The following OSBPL11 variants were observed in gnomAD, a reference collection of about 807,000 sequenced individuals.
OSBPL11 encodes the protein oxysterol-binding protein-related protein 11.
OSBPL11 carries 33 observed loss-of-function variants against 84.4 expected under a neutral mutation model. The ratio of observed to expected loss-of-function variants is 0.39; its 90% CI spans 0.30 to 0.52. The LOEUF (loss-of-function observed/expected upper bound fraction) is 0.52, where lower values mean the gene tolerates loss of function less well. Ranked by LOEUF, OSBPL11 falls within the 20% of genes least tolerant of loss-of-function variation. OSBPL11 has a pLI of 0.72. For synonymous variants in OSBPL11, 276 were observed against 310.2 expected (o/e 0.89, Z 1.16); for missense variants, 736 against 901.1 (o/e 0.82, Z 2.35).
intron 9 of OSBPL11, among the ~76,000 whole-genome samples, chr3:125,550,403 AC>A (rs370715171): frequency 1.5e-5 from 2 of 133,510 alleles, no homozygotes; most frequent in African/African-American, 6.0e-5. Context: ...ACACACACAC[AC>A]ACAACAAACA....
intron 10 of OSBPL11, among the ~76,000 whole-genome samples, chr3:125,540,937 A>G (rs560463952): frequency 2.0e-5 from 3 of 152,320 alleles, no homozygotes; most frequent in South Asian, 2.1e-4. Flanking sequence ...GCTTATAACA[A>G]TTCTTCACAA....
intron 7 of OSBPL11, among the ~76,000 whole-genome samples, chr3:125,562,595 T>C (rs1247126533): frequency 6.6e-6 from 1 of 152,172 alleles, no homozygotes; most frequent in African/African-American, 2.4e-5. Context: ...TCAGTAATGC[T>C]ACTTGGTAAT....
chr3:125,560,715 T>C (rs1355484492), intron 7 of OSBPL11, among the ~76,000 whole-genome samples, 196 bp from the exon 8 acceptor site: 1 of 152,238 alleles, frequency 6.6e-6, no homozygotes, highest in Non-Finnish European at 1.5e-5. Context: ...ATTGCTGATG[T>C]TGAACATATT....
At position 125,594,866 on chromosome 3, in the gene OSBPL11, CTTTTT is replaced by C; in HGVS notation, c.-71_-67del. 6 of 1,223,270 alleles carry C rather than the reference CTTTTT, an allele frequency of 4.9e-6. No individual in the cohort carries two copies. Among genetic ancestry groups the C allele is most frequent in the South Asian group, 1.6e-5 (1 of 60,732 alleles). The allele number at this position is 1,223,270 out of a possible 1,614,324, so 75.8% of individuals were successfully genotyped here. A position where few individuals can be genotyped will look rare whatever the true frequency, so the allele number is the denominator to read the frequency against. ...AACAATTCTGTAGTTCTGTAGGTGA[CTTTTT>C]TTTTTTAAGATTTGATCTGAATATG... On this transcript the variant is annotated 5_prime_UTR_variant, in exon 1 of 13. Coordinates refer to ENST00000296220, the MANE Select transcript of OSBPL11 (RefSeq NM_022776.5).
At chr3:125,559,486 T>C (rs1936042266) in intron 8 of OSBPL11, among the ~76,000 whole-genome samples, 1 of 152,016 alleles carries the variant, frequency 6.6e-6, no homozygotes, top group East Asian at 1.9e-4. Flanking sequence ...CCACCCAGGA[T>C]CAAGCGATCC....
intron 5 of OSBPL11, among the ~76,000 whole-genome samples, chr3:125,570,127 GTA>G (rs1182136228): frequency 1.3e-5 from 2 of 152,214 alleles, no homozygotes; most frequent in Non-Finnish European, 2.9e-5. Flanking sequence ...AGAGAAAATA[GTA>G]TGTTTCTTTG....
At chr3:125,593,717 T>C (rs563076637) in intron 1 of OSBPL11, among the ~76,000 whole-genome samples, 11 of 152,280 alleles carry the variant, frequency 7.2e-5, no homozygotes, top group African/African-American at 2.6e-4. Context: ...ATGATAAATG[T>C]ATATCCCTCA....
chr3:125,545,377 A>T (rs76478168), intron 10 of OSBPL11, among the ~76,000 whole-genome samples: 10,183 of 152,328 alleles, frequency 0.067, 464 homozygotes, highest in Non-Finnish European at 0.098. Context: ...TTTTTTAGCT[A>T]TAGTAACCAT....
intron 8 of OSBPL11, among the ~76,000 whole-genome samples, chr3:125,556,320 T>C (rs1486178493): frequency 1.3e-5 from 2 of 152,228 alleles, no homozygotes; most frequent in African/African-American, 4.8e-5. Context: ...AGTGTATCTG[T>C]ATTTGGCTTG....
chr3:125,536,915 T>C (rs1935647119), intron 11 of OSBPL11, among the ~76,000 whole-genome samples: 1 of 151,916 alleles, frequency 6.6e-6, no homozygotes, highest in Non-Finnish European at 1.5e-5. Context: ...TCCCAGCACT[T>C]TGGGAGGCTG....
chr3:125,581,176 T>C (rs1559847233), intron 2 of OSBPL11, among the ~76,000 whole-genome samples: 2 of 151,622 alleles, frequency 1.3e-5, no homozygotes. Context: ...CACTGCAACC[T>C]CTGCCTCCCA....
At position 125,594,828 on chromosome 3, in the gene OSBPL11, T is replaced by C; in HGVS notation, c.-28A>G. 2 of 1,609,542 alleles carry C rather than the reference T, an allele frequency of 1.2e-6. No homozygotes were observed. Among genetic ancestry groups the C allele is most frequent in the Non-Finnish European group, 1.7e-6 (2 of 1,177,098 alleles). On this transcript the variant is annotated 5_prime_UTR_variant, in exon 1 of 13. Coordinates refer to ENST00000296220, the MANE Select transcript of OSBPL11 (RefSeq NM_022776.5). ...TAACGCCAAAGTCCACTTGCCCTTCTTGAGCGGGAGAGAACAATTCTGTAG... is the reference window on the plus strand; with the variant it reads ...TAACGCCAAAGTCCACTTGCCCTTCCTGAGCGGGAGAGAACAATTCTGTAG...
intron 12 of OSBPL11, 35 bp from the exon 13 acceptor site, chr3:125,530,615 T>G (rs988282417): frequency 2.6e-6 from 4 of 1,547,594 alleles, no homozygotes; most frequent in Non-Finnish European, 3.6e-6. Context: ...ATCATCCCTC[T>G]AATATTATCA....
rs113486299 is a variant in OSBPL11, at chr3:125,594,866, CTTTT to C, written c.-70_-67del. On this transcript the variant is annotated 5_prime_UTR_variant, in exon 1 of 13. Coordinates refer to ENST00000296220, the MANE Select transcript of OSBPL11 (RefSeq NM_022776.5). ...AACAATTCTGTAGTTCTGTAGGTGA[CTTTT>C]TTTTTTTAAGATTTGATCTGAATAT... The C allele has an allele frequency of 7.9e-3, 9,667 of 1,223,476 alleles. 51 individuals carry two copies. Among genetic ancestry groups the C allele is most frequent in the Non-Finnish European group, 8.5e-3 (7,710 of 905,748 alleles). 75.8% of individuals were successfully genotyped at this position (1,223,476 alleles called of 1,614,324 possible).
chr3:125,564,396 C>A (rs764844425), intron 6 of OSBPL11, among the ~76,000 whole-genome samples: 1 of 152,186 alleles, frequency 6.6e-6, no homozygotes, highest in African/African-American at 2.4e-5. Flanking sequence ...AAAGACTCTT[C>A]TACTGAATAA....
chr3:125,530,413 G>T lies in OSBPL11; in HGVS notation c.*102C>A. The stretch of plus-strand genomic sequence containing the variant: ...ATTCAGGTTTAGCTAGTTTCAGTCT[G>T]CGCAATCAGGAAGCAGGTCACTCAG... On this transcript the variant is annotated 3_prime_UTR_variant, in exon 13 of 13. Coordinates refer to ENST00000296220, the MANE Select transcript of OSBPL11 (RefSeq NM_022776.5). 1 of 1,056,140 alleles carries T rather than the reference G, an allele frequency of 9.5e-7. No homozygotes were observed. Among genetic ancestry groups the T allele is most frequent in the Non-Finnish European group, 1.5e-6 (1 of 683,392 alleles). The allele number at this position is 1,056,140 out of a possible 1,614,324, so 65.4% of individuals were successfully genotyped here.
At chr3:125,547,699 C>A (rs940880703) in intron 9 of OSBPL11, 107 bp from the exon 10 acceptor site, 9 of 839,718 alleles carry the variant, frequency 1.1e-5, no homozygotes, top group Non-Finnish European at 1.6e-5. Context: ...CATTATTTTT[C>A]CTAACCTTCA....
chr3:125,588,082 C>T (rs961466148), intron 1 of OSBPL11, among the ~76,000 whole-genome samples: 1 of 151,858 alleles, frequency 6.6e-6, no homozygotes, highest in African/African-American at 2.4e-5. Context: ...ATTAGCTGGG[C>T]GTGGTGGTGC....
chr3:125,529,819 C>G lies in OSBPL11; in HGVS notation c.*696G>C, dbSNP rs1451001847. ...AAATTTTTCAAGTCAATGTTGTTTTCAAGTATATTAAAATGCTCAGAAGAA... is the reference window on the plus strand; with the variant it reads ...AAATTTTTCAAGTCAATGTTGTTTTGAAGTATATTAAAATGCTCAGAAGAA... On this transcript the variant is annotated 3_prime_UTR_variant, in exon 13 of 13. Coordinates refer to ENST00000296220, the MANE Select transcript of OSBPL11 (RefSeq NM_022776.5). 4 of 152,534 alleles carry G rather than the reference C, an allele frequency of 2.6e-5. No homozygotes were observed. The highest frequency in any genetic ancestry group is 9.7e-5 in the African/African-American group (4 of 41,430). The allele number at this position is 152,534 out of a possible 1,614,324, so 9.4% of individuals were successfully genotyped here.
Sources: allele counts gnomAD v4.1 joint callset (sites outside exome capture counted in the v4.1 genomes callset), GRCh38; gene constraint gnomAD v4.1.1; transcripts MANE v1.5; gene names NCBI Gene and HGNC (gene_info 2026-07-23, HGNC 2026-07-21).